Variants in FAM47E observed in about 807,000 individuals in gnomAD.
FAM47E encodes the protein protein FAM47E.
In FAM47E, 32 loss-of-function variants were observed where a neutral mutation model predicts 41.6. The ratio of observed to expected loss-of-function variants is 0.77; its 90% CI spans 0.58 to 1.03. The LOEUF is 1.03. Among genes scored for constraint, FAM47E ranks in the 50% least tolerant of loss-of-function variants. The probability of loss-of-function intolerance (pLI) is 0.00; values close to 1 mark genes in which losing one functional copy is unlikely to be tolerated. For missense variants in FAM47E, 424 were observed against 485.4 expected (o/e 0.87, Z 1.19); for synonymous variants, 184 against 188.7 (o/e 0.98, Z 0.20).
At chr4:76,235,267 G>A (rs544293032) in intron 2 of FAM47E, among the ~76,000 whole-genome samples, 3 of 152,260 alleles carry the variant, frequency 2.0e-5, no homozygotes, top group East Asian at 3.9e-4. Context: ...GCAGTGAGCC[G>A]AGATCGCACC....
At chr4:76,263,042 T>C (rs558363057) in intron 2 of FAM47E, among the ~76,000 whole-genome samples, 1 of 152,340 alleles carries the variant, frequency 6.6e-6, no homozygotes, top group South Asian at 2.1e-4. Context: ...ACTGAGATTA[T>C]ATGCCTTAGC....
chr4:76,232,991 T>C (rs370296993), intron 2 of FAM47E, among the ~76,000 whole-genome samples: 33 of 152,202 alleles, frequency 2.2e-4, no homozygotes, highest in Admixed American at 1.6e-3. Flanking sequence ...CTTGCACCAG[T>C]TGTTTGAACC....
chr4:76,237,355 T>TTTTTGG, intron 2 of FAM47E, among the ~76,000 whole-genome samples: 3 of 116,574 alleles, frequency 2.6e-5, no homozygotes, highest in Admixed American at 9.0e-5. Flanking sequence ...CTTAGAGTTT[T>TTTTTGG]TTTTTTTTTG....
chr4:76,271,182 C>T (rs540687853), intron 4 of FAM47E, among the ~76,000 whole-genome samples: 4 of 152,306 alleles, frequency 2.6e-5, no homozygotes, highest in East Asian at 1.9e-4. Context: ...TGACTAAAAC[C>T]GCCTCCTTCA....
intron 2 of FAM47E, among the ~76,000 whole-genome samples, chr4:76,257,208 A>G (rs1734230057): frequency 6.6e-6 from 1 of 152,144 alleles, no homozygotes; most frequent in South Asian, 2.1e-4. Context: ...TAGGCAAATA[A>G]TAGCTTTCCC....
At chr4:76,244,773 C>T (rs987581674) in intron 2 of FAM47E, among the ~76,000 whole-genome samples, 6 of 151,966 alleles carry the variant, frequency 3.9e-5, no homozygotes, top group Non-Finnish European at 8.8e-5. Context: ...CTCCTGGCCT[C>T]GTGATCCACC....
chr4:76,240,055 T>C (rs1733674961), intron 2 of FAM47E, among the ~76,000 whole-genome samples: 1 of 152,216 alleles, frequency 6.6e-6, no homozygotes, highest in Non-Finnish European at 1.5e-5. Context: ...TCTATTCCAT[T>C]GGTCTATATG....
At position 76,283,448 on chromosome 4, in the gene FAM47E, C is replaced by T; in HGVS notation, c.1172C>T (p.Thr391Ile). ...TGTAATAAGACTCCTATAAAACGAACTCAAGCATAGAAGAATCGTAGGAGA... is the reference window on the plus strand; with the variant it reads ...TGTAATAAGACTCCTATAAAACGAATTCAAGCATAGAAGAATCGTAGGAGA... Reference protein sequence around the residue: ...RACNKTPIKRTQA With the variant: ...RACNKTPIKRIQA The change falls in exon 8 of 8, where the codon ACT (threonine) becomes ATT (isoleucine). Residue 391 changes from threonine to isoleucine, a missense_variant. Transcript: ENST00000424749. 2 of 1,537,042 alleles carry T rather than the reference C, an allele frequency of 1.3e-6. No individual in the cohort carries two copies. Among genetic ancestry groups the T allele is most frequent in the South Asian group, 1.2e-5 (1 of 83,708 alleles).
In FAM47E at chr4:76,237,377, GT is replaced by G. The variant is rs1247251115; in HGVS notation, c.81+19699del. ...TTTTTTTTTTTTTGTTTGTTTGTTT[GT>G]TTTTTTTTTGGTTTACAAGGTAAAA... On this transcript the variant is annotated intron_variant, in intron 2 of 7. Coordinates refer to the FAM47E transcript ENST00000510197. 4.2e-4 allele frequency among the ~76,000 whole-genome samples: 60 copies of G among 142,050 alleles called. No individual in the cohort carries two copies. In the East Asian group the frequency reaches 0.01, roughly 25 times the overall value. The allele number at this position is 142,050 out of a possible 152,430, so 93.2% of individuals were successfully genotyped here. A position where few individuals can be genotyped will look rare whatever the true frequency, so the allele number is the denominator to read the frequency against.
rs570329019 is a variant in FAM47E at position 76,252,964 on chromosome 4, T to C, written c.74+1144T>C. ...GAGTTCTGTAACATTTGGTCATATG[T>C]ATACATAAAGATACAAAACTGTTCC... On this transcript the variant is annotated intron_variant, in intron 1 of 7. Coordinates refer to ENST00000424749, the MANE Select transcript of FAM47E (RefSeq NM_001136570.3). Among the ~76,000 whole-genome samples the C allele has an allele frequency of 8.5e-5, 13 of 152,266 alleles. No individual in the cohort carries two copies. The East Asian group carries it at 2.1e-3, about 25-fold the overall frequency.
intron 2 of FAM47E, among the ~76,000 whole-genome samples, chr4:76,220,024 A>G (rs1034611393): frequency 4.6e-5 from 7 of 152,222 alleles, no homozygotes; most frequent in African/African-American, 1.2e-4. Flanking sequence ...GTTTGCTTCA[A>G]TTGCACTGCA....
intron 2 of FAM47E, among the ~76,000 whole-genome samples, chr4:76,262,167 C>T (rs536789497): frequency 3.3e-5 from 5 of 152,142 alleles, no homozygotes; most frequent in African/African-American, 4.8e-5. Flanking sequence ...GGAGTACTCA[C>T]GTGAGTGTAT....
chr4:76,262,295 A>G (rs763678284), intron 2 of FAM47E, among the ~76,000 whole-genome samples: 2 of 152,232 alleles, frequency 1.3e-5, no homozygotes, highest in African/African-American at 2.4e-5. Flanking sequence ...GCAAGACTTC[A>G]AAATATAGTT....
At chr4:76,231,292 G>T (rs1312512799) in intron 2 of FAM47E, among the ~76,000 whole-genome samples, 1 of 152,070 alleles carries the variant, frequency 6.6e-6, no homozygotes, top group Non-Finnish European at 1.5e-5. Flanking sequence ...ACCTGGCAGG[G>T]TTTTCAGGAT....
upstream of FAM47E, among the ~76,000 whole-genome samples, chr4:76,251,358 T>C (rs1441907): frequency 0.75 from 113,455 of 152,078 alleles, 42,955 homozygotes; most frequent in East Asian, 0.82. Context: ...CTATTCATTT[T>C]CCCCACTTTC....
At chr4:76,237,986 T>A (rs140617185) in intron 2 of FAM47E, among the ~76,000 whole-genome samples, 344 of 152,314 alleles carry the variant, frequency 2.3e-3, no homozygotes, top group African/African-American at 7.7e-3. Flanking sequence ...GTCCAAACTA[T>A]ATCAGACCCA....
At chr4:76,219,014 A>C (rs1252689608) in intron 2 of FAM47E, among the ~76,000 whole-genome samples, 1 of 152,218 alleles carries the variant, frequency 6.6e-6, no homozygotes, top group East Asian at 1.9e-4. Context: ...GTCCAATGTT[A>C]CTGGCCAGTA....
chr4:76,262,365 A>ATC (rs1326444800), intron 2 of FAM47E, among the ~76,000 whole-genome samples: 2 of 152,146 alleles, frequency 1.3e-5, no homozygotes, highest in East Asian at 3.8e-4. Context: ...CCCATAATCT[A>ATC]TCTCTCTTAT....
chr4:76,215,888 A>C (rs941872354), intron 1 of FAM47E, among the ~76,000 whole-genome samples: 1 of 152,178 alleles, frequency 6.6e-6, no homozygotes, highest in Non-Finnish European at 1.5e-5. Context: ...TCAAAATGCA[A>C]AATAAAGGAT....
Sources: allele counts gnomAD v4.1 joint callset (sites outside exome capture counted in the v4.1 genomes callset), GRCh38; gene constraint gnomAD v4.1.1; transcripts MANE v1.5; gene names NCBI Gene and HGNC (gene_info 2026-07-23, HGNC 2026-07-21).